Variants in AGXT2 observed in about 807,000 individuals in gnomAD.
AGXT2 encodes the protein alanine--glyoxylate aminotransferase 2, mitochondrial.
AGXT2 carries 61 observed loss-of-function variants against 62.5 expected under a neutral mutation model. The observed-to-expected ratio is 0.98, with a 90% CI of 0.79 to 1.21. The LOEUF is 1.21. AGXT2 is among the 50% of genes most tolerant of loss of function. AGXT2 has a pLI of 0.00. For synonymous variants in AGXT2, 243 were observed against 218.7 expected, an observed-to-expected ratio of 1.11 and a Z score of -0.98; for missense variants, 666 against 641.5, an observed-to-expected ratio of 1.04 and a Z score of -0.41.
chr5:35,046,057 G>T (rs558453326), intron 1 of AGXT2, among the ~76,000 whole-genome samples: 2 of 152,118 alleles, frequency 1.3e-5, no homozygotes, highest in Non-Finnish European at 2.9e-5. Context: ...GTGAGCCACC[G>T]CACCCGGCCA....
chr5:35,017,596 C>T (rs994016224), intron 9 of AGXT2, among the ~76,000 whole-genome samples: 1 of 152,188 alleles, frequency 6.6e-6, no homozygotes, highest in Non-Finnish European at 1.5e-5. Context: ...TGTTAGGCCT[C>T]CCCAACCACA....
At chr5:35,002,934 G>A (rs2112163896) in intron 13 of AGXT2, among the ~76,000 whole-genome samples, 1 of 152,322 alleles carries the variant, frequency 6.6e-6, no homozygotes, top group East Asian at 1.9e-4. Context: ...GATGGAGCAG[G>A]GAAACTGGGA....
At chr5:35,002,584 G>A (rs1183928183) in intron 13 of AGXT2, among the ~76,000 whole-genome samples, 1 of 152,208 alleles carries the variant, frequency 6.6e-6, no homozygotes, top group Admixed American at 6.5e-5. Flanking sequence ...GCCCATGAAG[G>A]CCCAGGGAGC....
intron 13 of AGXT2, among the ~76,000 whole-genome samples, chr5:34,999,530 G>A (rs1022655975): frequency 1.3e-5 from 2 of 152,108 alleles, no homozygotes; most frequent in East Asian, 3.8e-4. Flanking sequence ...TAATCTAGAT[G>A]GCTGAGAAGA....
At chr5:35,034,335 T>C (rs1259784213) in intron 5 of AGXT2, among the ~76,000 whole-genome samples, 1 of 152,174 alleles carries the variant, frequency 6.6e-6, no homozygotes, top group African/African-American at 2.4e-5. Context: ...TGGAATGTCA[T>C]TTAGGTAATA....
intron 11 of AGXT2, 83 bp from the exon 12 acceptor site, chr5:35,010,232 G>A: frequency 1.9e-6 from 3 of 1,544,496 alleles, no homozygotes; most frequent in Non-Finnish European, 2.7e-6. Context: ...ATTTGACATG[G>A]CCCTCTTGTA....
intron 5 of AGXT2, among the ~76,000 whole-genome samples, chr5:35,034,887 A>G (rs1057421156): frequency 6.6e-6 from 1 of 152,148 alleles, no homozygotes. Flanking sequence ...GGGAACAGTC[A>G]TTTACCACTT....
chr5:35,028,712 GT>G (rs1348986579), intron 7 of AGXT2, among the ~76,000 whole-genome samples: 1 of 151,216 alleles, frequency 6.6e-6, no homozygotes, highest in Non-Finnish European at 1.5e-5. Flanking sequence ...CTGTTATTTG[GT>G]TCTAAACAGT....
At chr5:35,013,944 G>C in intron 10 of AGXT2, 43 bp downstream of exon 10, 1 of 1,613,644 alleles carries the variant, frequency 6.2e-7, no homozygotes, top group Admixed American at 1.7e-5. Context: ...ATAGCCCAAT[G>C]TACGAGGCCC....
intron 1 of AGXT2, among the ~76,000 whole-genome samples, chr5:35,044,931 G>A (rs2112301429): frequency 6.6e-6 from 1 of 152,312 alleles, no homozygotes; most frequent in East Asian, 1.9e-4. Flanking sequence ...AATAGGCTTG[G>A]CAGGAATGGA....
chr5:35,019,614 A>T (rs1766989279), intron 9 of AGXT2, among the ~76,000 whole-genome samples: 2 of 152,214 alleles, frequency 1.3e-5, no homozygotes, highest in African/African-American at 4.8e-5. Flanking sequence ...TGCCCACAAG[A>T]GAAAGCAGGA....
chr5:35,024,183 G>A (rs67542136), intron 9 of AGXT2, among the ~76,000 whole-genome samples: 45,264 of 152,014 alleles, frequency 0.3, 7,445 homozygotes, highest in Non-Finnish European at 0.38. Context: ...GTGAGCCACT[G>A]CGCCCAACCT....
intron 13 of AGXT2, among the ~76,000 whole-genome samples, chr5:35,002,566 A>G (rs1294031420): frequency 6.6e-6 from 1 of 152,200 alleles, no homozygotes; most frequent in Non-Finnish European, 1.5e-5. Context: ...TTAGCTCAGG[A>G]GGGCAAAGCC....
chr5:35,038,092 G>T (rs981785016), intron 3 of AGXT2, among the ~76,000 whole-genome samples: 2 of 152,180 alleles, frequency 1.3e-5, no homozygotes, highest in Non-Finnish European at 1.5e-5. Context: ...ACCTATAATA[G>T]ACTAGTGTAC....
At chr5:35,018,117 A>G (rs1355063706) in intron 9 of AGXT2, among the ~76,000 whole-genome samples, 9 of 152,216 alleles carry the variant, frequency 5.9e-5, no homozygotes, top group East Asian at 1.9e-4. Context: ...TGAAAGTGAC[A>G]GGGAGAATGG....
At chr5:35,009,300 C>T (rs1766537349) in intron 12 of AGXT2, among the ~76,000 whole-genome samples, 1 of 151,764 alleles carries the variant, frequency 6.6e-6, no homozygotes, top group African/African-American at 2.4e-5. Flanking sequence ...TGCAAACAAA[C>T]AAAACTCAAT....
At position 35,032,778 on chromosome 5, in the gene AGXT2, A is replaced by G; in HGVS notation, c.723T>C (p.Cys241=). ...VFRGPWGGSH[C]RDSPVQTIRK... is the part of the protein sequence containing the mutation. ...TGATTGTTTGCACTGGAGAATCTCG[A>G]CAGTGGCTTCCTCCCCAAGGGCCAC... Residue 241 remains cysteine (C), a synonymous_variant, in exon 7 of 14, where the codon TGT becomes TGC. Transcript: ENST00000231420. The G allele has an allele frequency of 1.2e-6, 2 of 1,609,754 alleles. No individual in the cohort carries two copies. Among genetic ancestry groups the G allele is most frequent in the South Asian group, 1.1e-5 (1 of 89,920 alleles).
intron 1 of AGXT2, among the ~76,000 whole-genome samples, chr5:35,043,993 A>G (rs1768089587): frequency 6.6e-6 from 1 of 152,178 alleles, no homozygotes; most frequent in Non-Finnish European, 1.5e-5. Context: ...AGCCTGGCCC[A>G]AAATGCCAAT....
rs1272727880 is a variant in AGXT2 at position 35,026,363 on chromosome 5, A to T, written c.870+47T>A. 10 of 1,476,474 alleles carry T rather than the reference A, an allele frequency of 6.8e-6. No homozygotes were observed. In the Middle Eastern group the frequency reaches 6.9e-4, roughly 101 times the overall value. The allele number at this position is 1,476,474 out of a possible 1,614,324, so 91.5% of individuals were successfully genotyped here. ...AGAATATATGAGTTAAAACTTTCTG[A>T]TAATTGAAGATTCAGCTCCATTAAT... On this transcript the variant is annotated intron_variant, in intron 8 of 13. Transcript: ENST00000231420.
Sources: gnomAD v4.1 joint callset for allele counts (sites outside exome capture counted in the v4.1 genomes callset) on GRCh38, gnomAD v4.1.1 for gene constraint, MANE v1.5 for transcripts, NCBI Gene and HGNC (gene_info 2026-07-23, HGNC 2026-07-21) for gene names.